The following GPAT2 variants were observed in gnomAD, a reference collection of about 807,000 sequenced individuals.
The protein encoded by GPAT2 is 1-acylglycerol-3-phosphate O-acyltransferase GPAT2.
GPAT2 carries 51 observed loss-of-function variants against 71.0 expected under a neutral mutation model. That is an observed-to-expected ratio of 0.72 (90% CI 0.57 to 0.91). The LOEUF is 0.91. Ranked by LOEUF, GPAT2 falls within the 40% of genes least tolerant of loss-of-function variation. GPAT2 has a pLI of 0.00. For missense variants in GPAT2, 511 were observed against 666.0 expected, an observed-to-expected ratio of 0.77 and a Z score of 2.56; for synonymous variants, 222 against 290.3, an observed-to-expected ratio of 0.76 and a Z score of 2.39.
At position 96,024,858 on chromosome 2, in the gene GPAT2, G is replaced by C. The variant is rs370616408; in HGVS notation, c.1358-15C>G. The C allele has an allele frequency of 2.4e-5, 38 of 1,612,128 alleles. No individual in the cohort carries two copies. The highest frequency in any genetic ancestry group is 3.1e-5 in the Non-Finnish European group (37 of 1,179,914). On this transcript the variant is annotated splice_polypyrimidine_tract_variant and intron_variant, in intron 13 of 21. Coordinates refer to ENST00000434632, the MANE Select transcript of GPAT2 (RefSeq NM_001321527.2). ...CCCTACACTGGCTGGAGTGGGGCGG[G>C]GGGTGGAGATGCTGGTCAGGTTGAG... is the stretch of plus-strand genomic sequence containing the variant.
Position 96,025,910 on chromosome 2 carries a change from C to T in GPAT2, c.1238+20G>A, listed in dbSNP as rs1448104687. 2 of 1,610,548 alleles carry T rather than the reference C, an allele frequency of 1.2e-6. No individual in the cohort carries two copies. Among genetic ancestry groups the T allele is most frequent in the South Asian group, 2.2e-5 (2 of 90,950 alleles). ...GCTGCTTGCCTTGCCCCCTGAGACC[C>T]CACGCTCCTGTGCCCCTACCATTGG... On this transcript the variant is annotated intron_variant, in intron 12 of 21. Coordinates refer to ENST00000434632, the MANE Select transcript of GPAT2 (RefSeq NM_001321527.2).
intron 1 of GPAT2, among the ~76,000 whole-genome samples, chr2:96,033,935 C>G (rs1680841470): frequency 6.7e-6 from 1 of 149,100 alleles, no homozygotes; most frequent in African/African-American, 2.5e-5. Context: ...AAACTGGCAC[C>G]CCGAGGGCAA....
Position 96,025,607 on chromosome 2 carries a change from A to C in GPAT2, c.1239-4T>G, listed in dbSNP as rs1314424485. The stretch of plus-strand genomic sequence containing the variant: ...CTCAGTGTCTGGGACAGCAGTACTG[A>C]GATAGAGACACAGATTACAGGATGA... On this transcript the variant is annotated splice_polypyrimidine_tract_variant and splice_region_variant and intron_variant, in intron 12 of 21. Transcript: ENST00000434632. 1 of 1,561,692 alleles carries C rather than the reference A, an allele frequency of 6.4e-7. No homozygotes were observed. The highest frequency in any genetic ancestry group is 8.7e-7 in the Non-Finnish European group (1 of 1,155,672).
At position 96,021,978 on chromosome 2, in the gene GPAT2, C is replaced by T. The variant is rs932698489; in HGVS notation, c.*181G>A. 2.1e-5 allele frequency: 29 copies of T among 1,396,792 alleles called. No individual in the cohort carries two copies. Among genetic ancestry groups the T allele is most frequent in the Non-Finnish European group, 2.6e-5 (27 of 1,051,136 alleles). The allele number at this position is 1,396,792 out of a possible 1,614,324, so 86.5% of individuals were successfully genotyped here. ...GGGCTGGGGAAAAGACAACTCGTCT[C>T]GTCCCCTTGTTTATCACATCAAAGA... On this transcript the variant is annotated 3_prime_UTR_variant, in exon 22 of 22. Transcript: ENST00000434632.
Position 96,025,578 on chromosome 2 carries a change from CCTT to C in GPAT2, c.1261_1263del (p.Lys421del), listed in dbSNP as rs1469159856. On this transcript the variant is annotated inframe_deletion, in exon 13 of 22. Transcript: ENST00000434632. Reference sequence around the variant, plus strand: ...CCAGTTATGGGGGTCCACTCCTGCTCCTTCTCAGTGTCTGGGACAGCAGTACTG... The same window carrying C: ...CCAGTTATGGGGGTCCACTCCTGCTCCTCAGTGTCTGGGACAGCAGTACTG... 6.3e-7 allele frequency: 1 copy of C among 1,576,150 alleles called. No individual in the cohort carries two copies. Among genetic ancestry groups the C allele is most frequent in the Non-Finnish European group, 8.6e-7 (1 of 1,162,742 alleles).
intron 20 of GPAT2, 83 bp downstream of exon 20, chr2:96,022,875 G>T (rs1441354052): frequency 1.9e-5 from 31 of 1,612,270 alleles, no homozygotes; most frequent in Non-Finnish European, 2.5e-5. Context: ...CCTAGAGTTG[G>T]GTTGTCACTG....
intron 12 of GPAT2, 87 bp from the exon 13 acceptor site, chr2:96,025,690 T>C: frequency 7.2e-7 from 1 of 1,397,248 alleles, no homozygotes. Flanking sequence ...AAGGTGAGGG[T>C]GTTTCCCCCT....
rs376451301 is a variant in GPAT2, at chr2:96,032,324, C to G, written c.36G>C (p.Gln12His). The stretch of plus-strand genomic sequence containing the variant: ...CTCGGCCACTGGGGCTGCTCCTTGG[C>G]TGAGTTTGGCATCTGCCTTCCAACA... ...ATMLEGRCQT[Q>H]PRSSPSGREA... The change falls in exon 2 of 22, where the codon CAG (glutamine) becomes CAC (histidine). Residue 12 changes from glutamine to histidine, a missense_variant. Coordinates refer to ENST00000434632, the MANE Select transcript of GPAT2 (RefSeq NM_001321527.2). The G allele has an allele frequency of 4.2e-5, 64 of 1,513,230 alleles. 13 individuals carry two copies. The highest frequency in any genetic ancestry group is 5.7e-5 in the Non-Finnish European group (63 of 1,107,542). 93.7% of individuals were successfully genotyped at this position (1,513,230 alleles called of 1,614,324 possible). A position where few individuals can be genotyped will look rare whatever the true frequency, so the allele number is the denominator to read the frequency against.
chr2:96,024,532 G>T lies in GPAT2; in HGVS notation c.1582C>A (p.Arg528Ser), dbSNP rs200722064. ...GGCACCACCAGCAAGTCACCCTGAC[G>T]GATGCGCAGCAGGGCCACGTGCGCC... ...LRAHVALLRIRQGDLLVVPQP... is the reference protein window; with the variant it reads ...LRAHVALLRISQGDLLVVPQP... The change falls in exon 15 of 22, where the codon CGT becomes AGT. Residue 528 changes from arginine (R) to serine (S), a missense_variant. By Grantham distance (110) the Arg-to-Ser change is moderately radical. This residue lies in a region of GPAT2 where 295 missense variants were observed against 305.5 expected (regional missense o/e 0.97). Transcript: ENST00000434632. The T allele has an allele frequency of 1.2e-6, 2 of 1,613,886 alleles. No individual in the cohort carries two copies. Among genetic ancestry groups the T allele is most frequent in the Admixed American group, 1.7e-5 (1 of 60,028 alleles).
chr2:96,022,385 T>C lies in GPAT2; in HGVS notation c.2290-110A>G, dbSNP rs1032594626. The C allele has an allele frequency of 9.2e-6, 12 of 1,302,202 alleles. No homozygotes were observed. The African/African-American group carries it at 1.2e-4, about 13-fold the overall frequency. The allele number at this position is 1,302,202 out of a possible 1,614,324, so 80.7% of individuals were successfully genotyped here. A position where few individuals can be genotyped will look rare whatever the true frequency, so the allele number is the denominator to read the frequency against. On this transcript the variant is annotated intron_variant, in intron 21 of 21. Transcript: ENST00000434632. ...ACCTGCCTTGAGACCTCTGGCCCCT[T>C]AGACCTCAATGTTTGCGTGCAAATG... is the stretch of plus-strand genomic sequence containing the variant.
Position 96,026,704 on chromosome 2 carries a change from A to G in GPAT2, c.1025T>C (p.Ile342Thr). The G allele has an allele frequency of 8.6e-6, 1 of 115,786 alleles. No homozygotes were observed. Among genetic ancestry groups the G allele is most frequent in the Non-Finnish European group, 1.4e-5 (1 of 69,148 alleles). 7.2% of individuals were successfully genotyped at this position (115,786 alleles called of 1,614,324 possible). ...YDLVPDAPCDIDHASAPLGLW... is the reference protein window; with the variant it reads ...YDLVPDAPCDTDHASAPLGLW... ...AAGGTCTCACATTCTCACATGGTCT[A>G]TGTCACACGGTGCATCCGGAACCAG... The change falls in exon 10 of 22, where the codon ATA becomes ACA. Residue 342 changes from isoleucine to threonine, a missense_variant. Physicochemically the swap from Ile to Thr is moderately conservative, Grantham distance 89 (BLOSUM62 -1). Around this residue, in one of 7 missense-constraint regions of GPAT2, gnomAD observed 0 missense variants for 21.6 expected, o/e 0.00. Transcript: ENST00000434632.
chr2:96,034,060 CACATATATACATATAAT>C (rs1367520788), intron 1 of GPAT2, among the ~76,000 whole-genome samples: 11 of 150,728 alleles, frequency 7.3e-5, no homozygotes, highest in Non-Finnish European at 1.5e-4. Context: ...TATATACACA[CACATATATACATATAAT>C]ACATATATAC....
chr2:96,025,900 C>T (rs1167661612), intron 12 of GPAT2, 30 bp downstream of exon 12: 2 of 1,605,628 alleles, frequency 1.2e-6, no homozygotes, highest in South Asian at 1.1e-5. Context: ...TTGCCTTGCC[C>T]CCTGAGACCC....
At position 96,026,197 on chromosome 2, in the gene GPAT2, G is replaced by T; in HGVS notation, c.1141C>A (p.Pro381Thr). 1.2e-6 allele frequency: 2 copies of T among 1,610,100 alleles called. No homozygotes were observed. Among genetic ancestry groups the T allele is most frequent in the Non-Finnish European group, 1.7e-6 (2 of 1,178,444 alleles). Residue 381 changes from proline (P) to threonine (T), a missense_variant, in exon 11 of 22, where the codon CCC (proline) becomes ACC (threonine). By Grantham distance (38) the Pro-to-Thr change is conservative (BLOSUM62 -1). Coordinates refer to ENST00000434632, the MANE Select transcript of GPAT2 (RefSeq NM_001321527.2). The part of the protein sequence containing the change: ...RICSRVHLAQ[P>T]FSLQEYIVSA... ...TGGCTCCATACCTGCAGGGAAAAGG[G>T]CTGAGCTAGGTGCACCCGGGAGCAG... is the stretch of plus-strand genomic sequence containing the variant.
Position 96,024,806 on chromosome 2 carries a change from A to C in GPAT2, c.1395T>G (p.Ile465Met), listed in dbSNP as rs377675936. 1.2e-6 allele frequency: 2 copies of C among 1,613,520 alleles called. No individual in the cohort carries two copies. The highest frequency in any genetic ancestry group is 2.7e-5 in the African/African-American group (2 of 74,844). ...VGSSAVMSTAIMATLLLFKHQ... is the reference protein window; with the variant it reads ...VGSSAVMSTAMMATLLLFKHQ... ...GCTTGAAGAGCAGCAGCGTTGCCAT[A>C]ATGGCCGTGCTCATCACCGCAGAGC... Residue 465 changes from isoleucine (I) to methionine (M), a missense_variant, in exon 14 of 22, where the codon ATT becomes ATG. Around this residue, in one of 7 missense-constraint regions of GPAT2, gnomAD observed 295 missense variants for 305.5 expected, o/e 0.97. Coordinates refer to ENST00000434632, the MANE Select transcript of GPAT2 (RefSeq NM_001321527.2).
chr2:96,024,248 G>A lies in GPAT2; in HGVS notation c.1777C>T (p.Leu593=). Residue 593 remains leucine (L), a synonymous_variant, in exon 16 of 22, where the codon CTG becomes TTG. Transcript: ENST00000434632. ...ATCAGCAGCAGGATCTGGCGGTACA[G>A]CTCATTCTGGCTCAGCAGCAATATG... ...QGILLLSQNE[L]YRQILLLMHL... 1 of 1,551,448 alleles carries A rather than the reference G, an allele frequency of 6.4e-7. No individual in the cohort carries two copies. Among genetic ancestry groups the A allele is most frequent in the Non-Finnish European group, 8.7e-7 (1 of 1,145,174 alleles).
chr2:96,024,624 CG>C lies in GPAT2; in HGVS notation c.1489del (p.Arg497ValfsTer5). 1 of 1,613,898 alleles carries C rather than the reference CG, an allele frequency of 6.2e-7. No homozygotes were observed. Among genetic ancestry groups the C allele is most frequent in the Non-Finnish European group, 8.5e-7 (1 of 1,179,944 alleles). ...FSWLTEEILL[R>X]GFDVGFSGQL... is the part of the protein sequence containing the mutation. ...CCCAGAGAAGCCTACATCAAAGCCACGCAACAGTATCTCCTCCGTCAGCCAG... is the reference window on the plus strand; with the variant it reads ...CCCAGAGAAGCCTACATCAAAGCCACCAACAGTATCTCCTCCGTCAGCCAG... On this transcript the variant is annotated frameshift_variant, in exon 15 of 22. Transcript: ENST00000434632. LOFTEE classifies it high-confidence loss of function.
intron 13 of GPAT2, 106 bp downstream of exon 13, chr2:96,025,379 C>A (rs1680283646): frequency 2.1e-6 from 3 of 1,411,002 alleles, no homozygotes; most frequent in Non-Finnish European, 2.8e-6. Flanking sequence ...TCACAGAGCA[C>A]CTCAGGTGCA....
chr2:96,026,030 C>T lies in GPAT2; in HGVS notation c.1156-18G>A. ...ATGTATTCCTGCCCAAGAGAAGGCTCTTAGGTGGCCTGCTCGGGCCCACCA... is the reference window on the plus strand; with the variant it reads ...ATGTATTCCTGCCCAAGAGAAGGCTTTTAGGTGGCCTGCTCGGGCCCACCA... On this transcript the variant is annotated intron_variant, in intron 11 of 21. Coordinates refer to ENST00000434632, the MANE Select transcript of GPAT2 (RefSeq NM_001321527.2). 5 of 1,612,110 alleles carry T rather than the reference C, an allele frequency of 3.1e-6. No individual in the cohort carries two copies. The highest frequency in any genetic ancestry group is 3.4e-6 in the Non-Finnish European group (4 of 1,179,464).
Sources: gnomAD v4.1 joint callset for allele counts (sites outside exome capture counted in the v4.1 genomes callset) on GRCh38, gnomAD v4.1.1 for gene constraint, gnomAD v4.1.1 regional missense constraint, MANE v1.5 for transcripts, NCBI Gene and HGNC (gene_info 2026-07-23, HGNC 2026-07-21) for gene names.